CTNNBIP1: variants seen among roughly 807,000 people sequenced by gnomAD.
The protein encoded by CTNNBIP1 is catenin beta interacting protein 1, also known as beta-catenin-interacting protein 1.
A neutral mutation model predicts 11.8 loss-of-function variants in CTNNBIP1; 7 were observed. That is an observed-to-expected ratio of 0.60 (90% CI 0.34 to 1.12). The LOEUF is 1.12. CTNNBIP1 is among the 50% of genes most tolerant of loss of function. The pLI is 0.03. For synonymous variants in CTNNBIP1, 58 were observed against 43.9 expected (o/e 1.32, Z -1.26); for missense variants, 101 against 113.4 (o/e 0.89, Z 0.50).
chr1:9,857,047 G>A (rs938916234), intron 5 of CTNNBIP1, among the ~76,000 whole-genome samples: 1 of 151,234 alleles, frequency 6.6e-6, no homozygotes, highest in South Asian at 2.1e-4. Context: ...GCTTGAACCC[G>A]GGAGGCAGAG....
chr1:9,887,697 G>A lies in CTNNBIP1; in HGVS notation c.-143-3959C>T, dbSNP rs559139698. On this transcript the variant is annotated intron_variant, in intron 1 of 5. Coordinates refer to ENST00000377263, the MANE Select transcript of CTNNBIP1 (RefSeq NM_020248.3). ...CAACCTGGCAAAAGAGCAAGATTCCGTCTCAAGAAAAAAAAAAGAAAAAGA... is the reference window on the plus strand; with the variant it reads ...CAACCTGGCAAAAGAGCAAGATTCCATCTCAAGAAAAAAAAAAGAAAAAGA... Among the ~76,000 whole-genome samples the A allele has an allele frequency of 1.7e-4, 25 of 149,540 alleles. No individual in the cohort carries two copies. In the South Asian group the frequency reaches 3.9e-3, roughly 23 times the overall value.
At chr1:9,884,932 G>C (rs1557759375) in intron 1 of CTNNBIP1, among the ~76,000 whole-genome samples, 2 of 152,116 alleles carry the variant, frequency 1.3e-5, no homozygotes, top group African/African-American at 4.8e-5. Context: ...GGCTGCGGTG[G>C]AACAGGCCCA....
intron 3 of CTNNBIP1, among the ~76,000 whole-genome samples, chr1:9,874,916 G>A (rs116671112): frequency 6.6e-5 from 10 of 152,318 alleles, no homozygotes; most frequent in South Asian, 2.1e-4. Flanking sequence ...GAAATGCTCC[G>A]TAAAGCCTTT....
At chr1:9,878,765 C>T (rs1639022612) in intron 2 of CTNNBIP1, among the ~76,000 whole-genome samples, 4 of 152,194 alleles carry the variant, frequency 2.6e-5, no homozygotes, top group African/African-American at 9.6e-5. Flanking sequence ...CCCACCCGCT[C>T]CAGCTGCACC....
rs1409210760 is a variant in CTNNBIP1, at chr1:9,851,187, C to T, written c.188-411G>A. On this transcript the variant is annotated intron_variant, in intron 5 of 5. Coordinates refer to ENST00000377263, the MANE Select transcript of CTNNBIP1 (RefSeq NM_020248.3). This position sits in a 1 kb window ranked among gnomAD's most constrained non-coding sequence, Gnocchi z 4.8. ...CTCAAGACTCGCGTCTTGATGCCTT[C>T]GGAGGGTCTGGCTCACTGTGGTTTT... Among the ~76,000 whole-genome samples, 1 of 152,100 alleles carries T rather than the reference C, an allele frequency of 6.6e-6. No homozygotes were observed. The highest frequency in any genetic ancestry group is 1.5e-5 in the Non-Finnish European group (1 of 68,032).
Position 9,850,411 on chromosome 1 carries a change from A to T in CTNNBIP1, c.*307T>A, listed in dbSNP as rs1197783722. The T allele has an allele frequency of 3.8e-6, 1 of 261,458 alleles. No individual in the cohort carries two copies. The highest frequency in any genetic ancestry group is 7.3e-6 in the Non-Finnish European group (1 of 136,250). 16.2% of individuals were successfully genotyped at this position (261,458 alleles called of 1,614,324 possible). ...AGGGAAGCCAGATACCGAGGCGCAAATTTTTTAAAAAATAAGAGTCAGAAA... is the reference window on the plus strand; with the variant it reads ...AGGGAAGCCAGATACCGAGGCGCAATTTTTTTAAAAAATAAGAGTCAGAAA... On this transcript the variant is annotated 3_prime_UTR_variant, in exon 6 of 6. Transcript: ENST00000377263.
rs774359167 is a variant in CTNNBIP1 at position 9,850,671 on chromosome 1, A to C, written c.*47T>G. 1.3e-6 allele frequency: 2 copies of C among 1,579,860 alleles called. No homozygotes were observed. On this transcript the variant is annotated 3_prime_UTR_variant, in exon 6 of 6. Transcript: ENST00000377263. ...CTCAGCCGGCCCAGGAGCCACACAGATCTCTTGGCCCTCAACAGCATCCAG... is the reference window on the plus strand; with the variant it reads ...CTCAGCCGGCCCAGGAGCCACACAGCTCTCTTGGCCCTCAACAGCATCCAG...
In CTNNBIP1 at chr1:9,850,463, A is replaced by G; in HGVS notation, c.*255T>C. The stretch of plus-strand genomic sequence containing the variant: ...AAAAATAAAAGGTTTCTGTTGGTCA[A>G]GATTTAAAAAATAAAAAAGTTTCTT... On this transcript the variant is annotated 3_prime_UTR_variant, in exon 6 of 6. Transcript: ENST00000377263. 1 of 410,368 alleles carries G rather than the reference A, an allele frequency of 2.4e-6. No homozygotes were observed. The highest frequency in any genetic ancestry group is 4.0e-5 in the Admixed American group (1 of 24,772). 25.4% of individuals were successfully genotyped at this position (410,368 alleles called of 1,614,324 possible).
At chr1:9,894,469 C>T (rs924098148) in intron 1 of CTNNBIP1, among the ~76,000 whole-genome samples, 4 of 152,006 alleles carry the variant, frequency 2.6e-5, no homozygotes, top group Admixed American at 6.6e-5. Context: ...GATCCTCCCC[C>T]CTCAGCCTCC....
chr1:9,882,242 C>T (rs576857540), intron 2 of CTNNBIP1, among the ~76,000 whole-genome samples: 25 of 152,232 alleles, frequency 1.6e-4, no homozygotes, highest in African/African-American at 5.5e-4. Flanking sequence ...AGAAGTTCAG[C>T]GAACAATTAC....
At chr1:9,894,776 T>C (rs1463732093) in intron 1 of CTNNBIP1, among the ~76,000 whole-genome samples, 1 of 152,192 alleles carries the variant, frequency 6.6e-6, no homozygotes, top group Non-Finnish European at 1.5e-5. Context: ...AGTCTCGCTC[T>C]GTCACCCAAG....
At position 9,871,285 on chromosome 1, in the gene CTNNBIP1, G is replaced by T. The variant is rs763645310; in HGVS notation, c.97-8C>A. The T allele has an allele frequency of 2.0e-5, 31 of 1,558,446 alleles. 1 individual carries two copies. The highest frequency in any genetic ancestry group is 3.4e-4 in the Middle Eastern group (2 of 5,850). On this transcript the variant is annotated splice_polypyrimidine_tract_variant and splice_region_variant and intron_variant, in intron 4 of 5. Coordinates refer to ENST00000377263, the MANE Select transcript of CTNNBIP1 (RefSeq NM_020248.3). This position sits in a 1 kb window ranked among gnomAD's most constrained non-coding sequence, Gnocchi z 5.2. ...CTCCTCGCTGGCTGTCAGCTGCAGG[G>T]TGAGAGAGCTGTGGTGAGGGGCAGC...
intron 1 of CTNNBIP1, among the ~76,000 whole-genome samples, chr1:9,900,908 A>T (rs1639508883): frequency 6.6e-6 from 1 of 152,192 alleles, no homozygotes; most frequent in Non-Finnish European, 1.5e-5. Context: ...TCAGTCCAGA[A>T]GCCGAGTGTG....
chr1:9,852,600 A>G (rs1638415320), intron 5 of CTNNBIP1, among the ~76,000 whole-genome samples: 1 of 152,182 alleles, frequency 6.6e-6, no homozygotes, highest in Admixed American at 6.5e-5. Flanking sequence ...ACAGAATCCA[A>G]GATTACATCA....
intron 2 of CTNNBIP1, among the ~76,000 whole-genome samples, chr1:9,881,898 T>C (rs568357412): frequency 1.3e-5 from 2 of 152,330 alleles, no homozygotes; most frequent in African/African-American, 4.8e-5. Flanking sequence ...TCCAGTTGAC[T>C]GAGTGGCTGA....
chr1:9,851,198 G>A lies in CTNNBIP1; in HGVS notation c.188-422C>T, dbSNP rs1314881047. On this transcript the variant is annotated intron_variant, in intron 5 of 5. Coordinates refer to ENST00000377263, the MANE Select transcript of CTNNBIP1 (RefSeq NM_020248.3). This position sits in a 1 kb window ranked among gnomAD's most constrained non-coding sequence, Gnocchi z 4.8. The stretch of plus-strand genomic sequence containing the variant: ...CGTCTTGATGCCTTCGGAGGGTCTG[G>A]CTCACTGTGGTTTTAAATAGCCATT... 6.6e-6 allele frequency among the ~76,000 whole-genome samples: 1 copy of A among 152,132 alleles called. No homozygotes were observed. The highest frequency in any genetic ancestry group is 1.5e-5 in the Non-Finnish European group (1 of 68,034).
rs182826180 is a variant in CTNNBIP1 at position 9,867,890 on chromosome 1, A to T, written c.187+3297T>A. On this transcript the variant is annotated intron_variant, in intron 5 of 5. Transcript: ENST00000377263. The surrounding 1 kb of genome is among the most constrained non-coding windows in gnomAD (Gnocchi z 4.6). The stretch of plus-strand genomic sequence containing the variant: ...GAAGGTGGGCAGGTGAGATTTTAAC[A>T]GAGATCCATTTGCCCACATGGCACA... 6.6e-6 allele frequency among the ~76,000 whole-genome samples: 1 copy of T among 152,220 alleles called. No homozygotes were observed. Among genetic ancestry groups the T allele is most frequent in the Non-Finnish European group, 1.5e-5 (1 of 68,028 alleles).
chr1:9,904,639 C>T (rs1171678782), intron 1 of CTNNBIP1, among the ~76,000 whole-genome samples: 6 of 152,114 alleles, frequency 3.9e-5, no homozygotes, highest in Admixed American at 3.9e-4. Context: ...GGTAGGAAAG[C>T]TGTCCAGTCA....
At chr1:9,906,556 T>C (rs141990388) in intron 1 of CTNNBIP1, among the ~76,000 whole-genome samples, 9 of 150,848 alleles carry the variant, frequency 6.0e-5, no homozygotes, top group African/African-American at 2.0e-4. Context: ...CAAAACTCCA[T>C]CTAAAAAAAA....
Sources: allele counts gnomAD v4.1 joint callset (sites outside exome capture counted in the v4.1 genomes callset), GRCh38; gene constraint gnomAD v4.1.1; non-coding constraint Gnocchi (gnomAD v3.1); transcripts MANE v1.5; gene names NCBI Gene and HGNC (gene_info 2026-07-23, HGNC 2026-07-21).